The following SPATA7 variants were observed in gnomAD, a reference collection of about 807,000 sequenced individuals.
SPATA7 encodes the protein spermatogenesis associated 7, also known as spermatogenesis-associated protein 7.
Under a neutral mutation model 51.8 loss-of-function variants are expected in SPATA7, and 43 were observed. The ratio of observed to expected loss-of-function variants is 0.83; its 90% CI spans 0.65 to 1.07. The LOEUF (loss-of-function observed/expected upper bound fraction) is 1.07, where lower values mean the gene tolerates loss of function less well. SPATA7 is among the 50% of genes least tolerant of loss of function. The pLI is 0.00. For missense variants in SPATA7, 683 were observed against 701.3 expected (o/e 0.97, Z 0.30); for synonymous variants, 230 against 252.8 (o/e 0.91, Z 0.86).
At chr14:88,435,909 G>C (rs573753946) in intron 10 of SPATA7, among the ~76,000 whole-genome samples, 1 of 151,984 alleles carries the variant, frequency 6.6e-6, no homozygotes, top group East Asian at 1.9e-4. Context: ...GTATCTCTTC[G>C]ATATCCTGAC....
At chr14:88,422,950 C>T (rs556002412) in intron 5 of SPATA7, among the ~76,000 whole-genome samples, 187 of 152,256 alleles carry the variant, frequency 1.2e-3, no homozygotes, top group Non-Finnish European at 2.1e-3. Flanking sequence ...AGTTAAAATG[C>T]TGGCTTTAAC....
chr14:88,468,424 A>AT (rs1301349602), intron 4 of SPATA7, among the ~76,000 whole-genome samples: 1 of 152,068 alleles, frequency 6.6e-6, no homozygotes, highest in Admixed American at 6.6e-5. Context: ...CCTACTTCTG[A>AT]TTTTCTGATT....
downstream of SPATA7, among the ~76,000 whole-genome samples, chr14:88,442,482 G>A (rs897839387): frequency 6.6e-6 from 1 of 152,140 alleles, no homozygotes; most frequent in Non-Finnish European, 1.5e-5. Context: ...TGATTTTGCT[G>A]AGGGTTTTAA....
At chr14:88,416,068 T>C (rs900066131) in intron 4 of SPATA7, 1 of 152,316 alleles carries the variant, frequency 6.6e-6, no homozygotes, top group Non-Finnish European at 1.5e-5. Context: ...CTTCCTGTGG[T>C]CTCCCCTGAA....
At chr14:88,454,952 A>T in intron 3 of SPATA7, 1 of 396,420 alleles carries the variant, frequency 2.5e-6, no homozygotes, top group Admixed American at 3.1e-5. Flanking sequence ...TTTAATGTGT[A>T]TCAAAATCAC....
chr14:88,468,949 C>T lies in SPATA7; in HGVS notation c.255-898C>T, dbSNP rs142289734. 1.5e-5 allele frequency: 25 copies of T among 1,613,990 alleles called. No homozygotes were observed. In the African/African-American group the frequency reaches 1.7e-4, roughly 11 times the overall value. On this transcript the variant is annotated intron_variant, in intron 4 of 4. Transcript: ENST00000556406. ...GTTCCAGGCAGGCGATCATGATCTC[C>T]GACAAAATCACCACGCCAGTCCTTC... is the stretch of plus-strand genomic sequence containing the variant.
At chr14:88,454,990 C>A in intron 3 of SPATA7, 3 of 440,104 alleles carry the variant, frequency 6.8e-6, no homozygotes, top group Non-Finnish European at 9.1e-6. Flanking sequence ...TTTCTGGGCC[C>A]CATCCCCATA....
At position 88,437,537 on chromosome 14, in the gene SPATA7, TTGTAGG is replaced by T. The variant is rs2077121745; in HGVS notation, c.1161-4_1162del. The T allele has an allele frequency of 6.2e-7, 1 of 1,604,950 alleles. No homozygotes were observed. Among genetic ancestry groups the T allele is most frequent in the African/African-American group, 1.3e-5 (1 of 74,732 alleles). On this transcript the variant is annotated splice_acceptor_variant and splice_polypyrimidine_tract_variant and coding_sequence_variant and intron_variant, in exon 11 of 12. Coordinates refer to ENST00000393545, the MANE Select transcript of SPATA7 (RefSeq NM_018418.5). LOFTEE classifies it high-confidence loss of function. ...AGACATTAACATTTTTGTTTATCAT[TTGTAGG>T]TTTTTAGAACGACTGTTCGAGCGAC...
rs1566804863 is a variant in SPATA7 at position 88,469,889 on chromosome 14, TGAGAAAATCACTTAA to T, written c.*29_*43del. ...TTAACATTAACTGTTCTTCAGAGGC[TGAGAAAATCACTTAA>T]GAGAAATAAGTACCTACCTCTTCTG... On this transcript the variant is annotated 3_prime_UTR_variant, in exon 5 of 5. Coordinates refer to the SPATA7 transcript ENST00000556406. The surrounding 1 kb of genome is among the most constrained non-coding windows in gnomAD (Gnocchi z 4.3). The T allele has an allele frequency of 6.2e-7, 1 of 1,613,024 alleles. No homozygotes were observed. Among genetic ancestry groups the T allele is most frequent in the East Asian group, 2.2e-5 (1 of 44,896 alleles).
intron 3 of SPATA7, among the ~76,000 whole-genome samples, chr14:88,445,915 A>G (rs1410724002): frequency 2.0e-5 from 3 of 152,110 alleles, no homozygotes; most frequent in Non-Finnish European, 4.4e-5. Context: ...TTTTTGTATC[A>G]ATGTTCATCA....
At chr14:88,408,387 T>A (rs2076252955) in intron 4 of SPATA7, among the ~76,000 whole-genome samples, 1 of 152,212 alleles carries the variant, frequency 6.6e-6, no homozygotes, top group African/African-American at 2.4e-5. Flanking sequence ...GAATGGGAGT[T>A]CACTCATGAT....
intron 3 of SPATA7, among the ~76,000 whole-genome samples, chr14:88,451,972 G>A (rs940709634): frequency 1.3e-5 from 2 of 152,182 alleles, no homozygotes; most frequent in East Asian, 3.8e-4. Context: ...GAGCTAGTGT[G>A]ATCTTTTGGG....
At chr14:88,404,387 TAGAAA>T (rs2076148274) in intron 4 of SPATA7, among the ~76,000 whole-genome samples, 1 of 152,186 alleles carries the variant, frequency 6.6e-6, no homozygotes, top group African/African-American at 2.4e-5. Flanking sequence ...TGAACATGAA[TAGAAA>T]AGAGTAGTAG....
chr14:88,424,426 G>A (rs2076733621), intron 5 of SPATA7, among the ~76,000 whole-genome samples: 1 of 152,124 alleles, frequency 6.6e-6, no homozygotes, highest in Admixed American at 6.5e-5. Context: ...CAGAGAGATA[G>A]CTTAACATAT....
At chr14:88,468,907 C>T (rs761202184) in intron 4 of SPATA7, 66 of 1,613,838 alleles carry the variant, frequency 4.1e-5, no homozygotes, top group South Asian at 7.7e-5. Flanking sequence ...TGATCATAAG[C>T]GCCATCACCT....
At chr14:88,433,821 C>T (rs142379434) in intron 10 of SPATA7, among the ~76,000 whole-genome samples, 4 of 152,146 alleles carry the variant, frequency 2.6e-5, no homozygotes, top group South Asian at 2.1e-4. Flanking sequence ...TAATAATATG[C>T]CAAGCATAGA....
chr14:88,410,237 A>G (rs1198143329), intron 4 of SPATA7, among the ~76,000 whole-genome samples: 2 of 152,172 alleles, frequency 1.3e-5, no homozygotes, highest in Non-Finnish European at 1.5e-5. Flanking sequence ...GTCTCTTTGT[A>G]GGTCTCAAGA....
At chr14:88,394,085 T>C (rs1187446018) in intron 3 of SPATA7, among the ~76,000 whole-genome samples, 3 of 152,322 alleles carry the variant, frequency 2.0e-5, no homozygotes, top group Non-Finnish European at 4.4e-5. Flanking sequence ...AAAAAGTATT[T>C]TGTGACCTGA....
intron 4 of SPATA7, among the ~76,000 whole-genome samples, chr14:88,461,202 T>C (rs1339603873): frequency 6.6e-6 from 1 of 152,170 alleles, no homozygotes; most frequent in African/African-American, 2.4e-5. Context: ...GATCTCAAAC[T>C]CCTTTCTGGG....
Sources: allele counts gnomAD v4.1 joint callset (sites outside exome capture counted in the v4.1 genomes callset), GRCh38; gene constraint gnomAD v4.1.1; non-coding constraint Gnocchi (gnomAD v3.1); transcripts MANE v1.5; gene names NCBI Gene and HGNC (gene_info 2026-07-23, HGNC 2026-07-21).